Variants in OTOGL observed in about 807,000 individuals in gnomAD.
OTOGL encodes otogelin like.
In OTOGL, 285 loss-of-function variants were observed where a neutral mutation model predicts 318.5. The ratio of observed to expected loss-of-function variants is 0.89; its 90% CI spans 0.81 to 0.99. OTOGL has a LOEUF of 0.99. Among genes scored for constraint, OTOGL ranks in the 50% least tolerant of loss-of-function variants. The probability of loss-of-function intolerance (pLI) is 0.00; values close to 1 mark genes in which losing one functional copy is unlikely to be tolerated. For synonymous variants in OTOGL, 987 were observed against 936.5 expected, an observed-to-expected ratio of 1.05 and a Z score of -0.99; for missense variants, 2,899 against 2,845.6, an observed-to-expected ratio of 1.02 and a Z score of -0.43.
chr12:80,160,998 G>A (rs952598961), intron 1 of OTOGL, among the ~76,000 whole-genome samples: 4 of 152,008 alleles, frequency 2.6e-5, no homozygotes, highest in Non-Finnish European at 5.9e-5. Flanking sequence ...ACCAAACATT[G>A]TGTGCTCTTA....
At chr12:80,148,017 A>G (rs1300613598) in intron 1 of OTOGL, among the ~76,000 whole-genome samples, 2 of 152,066 alleles carry the variant, frequency 1.3e-5, no homozygotes, top group African/African-American at 4.8e-5. Flanking sequence ...CCAATTTCCC[A>G]GTCTGTGTCT....
chr12:80,221,884 A>G (rs576458948), intron 6 of OTOGL, among the ~76,000 whole-genome samples: 1 of 152,214 alleles, frequency 6.6e-6, no homozygotes, highest in African/African-American at 2.4e-5. Context: ...TCTTTTCTTC[A>G]TAACTACTTG....
At chr12:80,140,315 A>G (rs529586790) in intron 1 of OTOGL, among the ~76,000 whole-genome samples, 118 of 152,272 alleles carry the variant, frequency 7.7e-4, no homozygotes, top group African/African-American at 2.1e-3. Flanking sequence ...GTTCAGAGGT[A>G]AATTATTGGC....
In OTOGL at chr12:80,296,960, A is replaced by C; in HGVS notation, c.3062A>C (p.Gln1021Pro). Residue 1021 changes from glutamine (Q) to proline (P), a missense_variant and splice_region_variant, in exon 27 of 59, where the codon CAG (glutamine) becomes CCG (proline). Physicochemically the swap from Gln to Pro is moderately conservative, Grantham distance 76. Coordinates refer to ENST00000547103, the MANE Select transcript of OTOGL (RefSeq NM_001378609.3). ...TACCTGAATGATACTCCTTACAAAC[A>C]GGTTAGTGAATTATTTCTTTCAGGA... The part of the protein sequence containing the change: ...EIYLNDTPYK[Q>P]KQSGFFLENK... The C allele has an allele frequency of 6.5e-7, 1 of 1,539,250 alleles. No individual in the cohort carries two copies. The highest frequency in any genetic ancestry group is 8.8e-7 in the Non-Finnish European group (1 of 1,142,512).
chr12:80,275,691 T>C (rs75105711), intron 24 of OTOGL, among the ~76,000 whole-genome samples: 10,075 of 151,826 alleles, frequency 0.066, 408 homozygotes, highest in Non-Finnish European at 0.085. Flanking sequence ...TGTGGCAAAC[T>C]TCACTGTGTC....
Position 80,227,357 on chromosome 12 carries a change from T to C in OTOGL, c.490-1900T>C, listed in dbSNP as rs549616024. Among the ~76,000 whole-genome samples, 7 of 152,344 alleles carry C rather than the reference T, an allele frequency of 4.6e-5. No homozygotes were observed. The South Asian group carries it at 1.4e-3, about 32-fold the overall frequency. ...AATTTTTCTCTCAGAAGATATCAAC[T>C]ATGTATTTTTAAAGTTTTTGGGTTT... On this transcript the variant is annotated intron_variant, in intron 7 of 58. Coordinates refer to ENST00000547103, the MANE Select transcript of OTOGL (RefSeq NM_001378609.3).
intron 47 of OTOGL, 29 bp from the exon 48 acceptor site, chr12:80,356,387 A>G (rs1366566085): frequency 5.8e-6 from 9 of 1,549,024 alleles, no homozygotes; most frequent in Non-Finnish European, 8.0e-6. Context: ...TGTGTTCACT[A>G]ATATTTTAAC....
intron 44 of OTOGL, among the ~76,000 whole-genome samples, chr12:80,342,633 T>TAA (rs1323033869): frequency 6.6e-6 from 1 of 152,158 alleles, no homozygotes; most frequent in Non-Finnish European, 1.5e-5. Context: ...CTATATTGTT[T>TAA]AAAAAATCCA....
At chr12:80,258,166 T>C (rs1488094816) in intron 18 of OTOGL, among the ~76,000 whole-genome samples, 164 bp downstream of exon 18, 1 of 152,154 alleles carries the variant, frequency 6.6e-6, no homozygotes, top group African/African-American at 2.4e-5. Context: ...CTGATAAATA[T>C]GTTTATTTTG....
chr12:80,293,266 G>T (rs1885168459), intron 26 of OTOGL, among the ~76,000 whole-genome samples: 2 of 151,906 alleles, frequency 1.3e-5, no homozygotes, highest in South Asian at 2.1e-4. Context: ...TACACAAAAA[G>T]CTTGTTCAAA....
At position 80,270,158 on chromosome 12, in the gene OTOGL, A is replaced by C. The variant is rs747524326; in HGVS notation, c.2518+4A>C. On this transcript the variant is annotated splice_donor_region_variant and intron_variant, in intron 23 of 58. Coordinates refer to ENST00000547103, the MANE Select transcript of OTOGL (RefSeq NM_001378609.3). Reference sequence around the variant, plus strand: ...GAATTAGCAACGCCCTCTGCTGGTAAGATCTTAAAAGATGTTTTCCTGAAT... The same window carrying C: ...GAATTAGCAACGCCCTCTGCTGGTACGATCTTAAAAGATGTTTTCCTGAAT... The C allele has an allele frequency of 4.4e-6, 7 of 1,594,120 alleles. No homozygotes were observed. The Admixed American group carries it at 1.0e-4, about 23-fold the overall frequency.
intron 1 of OTOGL, among the ~76,000 whole-genome samples, chr12:80,207,290 C>A (rs1272131904): frequency 6.6e-6 from 1 of 152,130 alleles, no homozygotes; most frequent in African/African-American, 2.4e-5. Context: ...CAAGCTCCGC[C>A]TCCCAGGTTC....
chr12:80,187,602 TAA>T (rs763685743), intron 1 of OTOGL, among the ~76,000 whole-genome samples: 3 of 152,184 alleles, frequency 2.0e-5, no homozygotes, highest in Admixed American at 6.5e-5. Context: ...TCACTAAGTA[TAA>T]AGACAATGAA....
In OTOGL at chr12:80,336,794, C is replaced by A. The variant is rs748880702; in HGVS notation, c.4744-3C>A. On this transcript the variant is annotated splice_region_variant and splice_polypyrimidine_tract_variant and intron_variant, in intron 40 of 58. Coordinates refer to ENST00000547103, the MANE Select transcript of OTOGL (RefSeq NM_001378609.3). Reference sequence around the variant, plus strand: ...TTAAAAGTATTTCTTTTTTTTTTTCCAGAATGGAAACTCCTTAAAAAAGCT... The same window carrying A: ...TTAAAAGTATTTCTTTTTTTTTTTCAAGAATGGAAACTCCTTAAAAAAGCT... The A allele has an allele frequency of 9.3e-6, 14 of 1,506,626 alleles. No individual in the cohort carries two copies. Among genetic ancestry groups the A allele is most frequent in the Middle Eastern group, 3.8e-4 (2 of 5,212 alleles). 93.3% of individuals were successfully genotyped at this position (1,506,626 alleles called of 1,614,324 possible).
intron 18 of OTOGL, among the ~76,000 whole-genome samples, chr12:80,258,753 A>T (rs1418903510): frequency 6.6e-6 from 1 of 152,096 alleles, no homozygotes; most frequent in Admixed American, 6.6e-5. Flanking sequence ...TGGAATCTAA[A>T]ATAGTTGAAA....
At chr12:80,126,097 G>T (rs1280356049) in intron 1 of OTOGL, among the ~76,000 whole-genome samples, 1 of 152,182 alleles carries the variant, frequency 6.6e-6, no homozygotes, top group African/African-American at 2.4e-5. Context: ...GAGTGTGTTT[G>T]CTCTTGCTTC....
chr12:80,161,919 T>C lies in OTOGL; in HGVS notation c.-19-47494T>C, dbSNP rs192606200. On this transcript the variant is annotated intron_variant, in intron 1 of 58. Coordinates refer to ENST00000547103, the MANE Select transcript of OTOGL (RefSeq NM_001378609.3). ...TATAGAAATCAGACTTCAGAACTGA[T>C]AGGTTTGCTTTGGTAAAGCTCTTCA... 1.9e-4 allele frequency among the ~76,000 whole-genome samples: 29 copies of C among 152,288 alleles called. No individual in the cohort carries two copies. The East Asian group carries it at 2.3e-3, about 12-fold the overall frequency.
chr12:80,156,909 A>G (rs922007802), intron 1 of OTOGL, among the ~76,000 whole-genome samples: 3 of 148,470 alleles, frequency 2.0e-5, no homozygotes, highest in Admixed American at 6.7e-5. Flanking sequence ...ATGGGAGTGC[A>G]GGTATCTCTT....
intron 1 of OTOGL, among the ~76,000 whole-genome samples, chr12:80,143,770 C>G (rs1449147698): frequency 6.6e-6 from 1 of 152,080 alleles, no homozygotes; most frequent in Non-Finnish European, 1.5e-5. Context: ...GAGTAACTAA[C>G]AGAACATGGA....
Sources: allele counts gnomAD v4.1 joint callset (sites outside exome capture counted in the v4.1 genomes callset), GRCh38; gene constraint gnomAD v4.1.1; transcripts MANE v1.5; gene names NCBI Gene and HGNC (gene_info 2026-07-23, HGNC 2026-07-21).